The following PBX1 variants were observed in gnomAD, a reference collection of about 807,000 sequenced individuals.
PBX1 encodes the protein pre-B-cell leukemia transcription factor 1.
A neutral mutation model predicts 53.4 loss-of-function variants in PBX1; 6 were observed. The observed-to-expected ratio is 0.11, with a 90% confidence interval of 0.06 to 0.22. The LOEUF (loss-of-function observed/expected upper bound fraction) is 0.22. PBX1 is among the 10% of genes least tolerant of loss of function. PBX1 has a pLI of 1.00. For missense variants in PBX1, 251 were observed against 551.4 expected (o/e 0.46, Z 5.46); for synonymous variants, 204 against 212.3 (o/e 0.96, Z 0.34).
chr1:164,674,847 G>GCCCCCCCCCCCCCCCCC (rs78130048), intron 2 of PBX1: 1 of 40,712 alleles, frequency 2.5e-5, no homozygotes, highest in Non-Finnish European at 6.2e-5. Context: ...AGAAATCACA[G>GCCCCCCCCCCCCCCCCC]CCCCCCCCCC....
chr1:164,781,195 T>C (rs1667916593), intron 2 of PBX1, among the ~76,000 whole-genome samples: 1 of 152,086 alleles, frequency 6.6e-6, no homozygotes, highest in South Asian at 2.1e-4. Flanking sequence ...TTTGTGGTCA[T>C]GGAAAAAGAA....
At position 164,879,364 on chromosome 1, in the gene PBX1, A is replaced by T. The variant is rs148747076; in HGVS notation, n.258-19824A>T. 8.1e-3 allele frequency among the ~76,000 whole-genome samples: 1,232 copies of T among 152,322 alleles called. 12 individuals carry two copies. The highest frequency in any genetic ancestry group is 0.037 in the South Asian group (178 of 4,816). Reference sequence around the variant, plus strand: ...GATTTGAAAGATATTTAGAAGGCAAAATCAGTGGACTCAGTGGCTACCTGC... The same window carrying T: ...GATTTGAAAGATATTTAGAAGGCAATATCAGTGGACTCAGTGGCTACCTGC... On this transcript the variant is annotated intron_variant and non_coding_transcript_variant, in intron 2 of 2. Coordinates refer to the PBX1 transcript ENST00000558796.
intron 2 of PBX1, among the ~76,000 whole-genome samples, chr1:164,759,860 C>G (rs1666718472): frequency 6.6e-6 from 1 of 152,128 alleles, no homozygotes. Flanking sequence ...CTCCTGACTC[C>G]TTAGGAGGTT....
In PBX1 at chr1:164,673,644, T is replaced by G. The variant is rs1305960599; in HGVS notation, c.265+110333T>G. Among the ~76,000 whole-genome samples the G allele has an allele frequency of 2.0e-5, 3 of 152,124 alleles. No individual in the cohort carries two copies. The East Asian group carries it at 5.8e-4, about 29-fold the overall frequency. ...AGCCACCGCGCCTGGCGAAAGTTAC[T>G]AACATTTTTAAGTTGCCCTAAGAAA... On this transcript the variant is annotated intron_variant, in intron 2 of 8. Transcript: ENST00000420696.
intron 1 of PBX1, chr1:164,562,741 T>G (rs1020243657): frequency 6.6e-6 from 1 of 152,276 alleles, no homozygotes; most frequent in African/African-American, 2.4e-5. Flanking sequence ...TCAGAAGACC[T>G]TTCAAGCATC....
chr1:164,677,100 TTTTA>T (rs1375277528), intron 2 of PBX1, among the ~76,000 whole-genome samples: 36 of 48,424 alleles, frequency 7.4e-4, no homozygotes, highest in Middle Eastern at 7.6e-3. Context: ...TTTTTTTTTT[TTTTA>T]AGACGGAGTC....
chr1:164,750,457 CTCAA>C (rs1666141575), intron 2 of PBX1, among the ~76,000 whole-genome samples: 3 of 149,796 alleles, frequency 2.0e-5, no homozygotes, highest in Admixed American at 1.3e-4. Context: ...AAAATAAATT[CTCAA>C]TCAGAGCTTA....
intron 2 of PBX1, among the ~76,000 whole-genome samples, chr1:164,611,530 G>T (rs1337125710): frequency 6.6e-6 from 1 of 152,134 alleles, no homozygotes; most frequent in Non-Finnish European, 1.5e-5. Context: ...GAGCCACCGC[G>T]CCCGGCCTTC....
intron 2 of PBX1, among the ~76,000 whole-genome samples, chr1:164,778,930 A>C (rs2102269377): frequency 6.6e-6 from 1 of 152,278 alleles, no homozygotes; most frequent in Admixed American, 6.5e-5. Context: ...TGCAGAACTA[A>C]GTATGTGCCC....
intron 2 of PBX1, among the ~76,000 whole-genome samples, chr1:164,781,726 G>A (rs1667945530): frequency 6.6e-6 from 1 of 152,060 alleles, no homozygotes; most frequent in African/African-American, 2.4e-5. Flanking sequence ...GCCTTCTTTT[G>A]CCTCTGCTGA....
chr1:164,863,974 T>C (rs1350934718), intron 2 of PBX1, among the ~76,000 whole-genome samples: 1 of 152,228 alleles, frequency 6.6e-6, no homozygotes, highest in Non-Finnish European at 1.5e-5. Context: ...CTGAGTAGCA[T>C]CTTTGTGTTT....
Position 164,799,031 on chromosome 1 carries a change from T to C in PBX1, c.511-668T>C, listed in dbSNP as rs184441788. On this transcript the variant is annotated intron_variant, in intron 3 of 8. Transcript: ENST00000420696. Reference sequence around the variant, plus strand: ...AATAATGAGCAAGGCAGAAAGCACATGATACATTTGACCCCAAACTCTCTT... The same window carrying C: ...AATAATGAGCAAGGCAGAAAGCACACGATACATTTGACCCCAAACTCTCTT... 6.7e-4 allele frequency among the ~76,000 whole-genome samples: 102 copies of C among 152,308 alleles called. 1 individual carries two copies. The highest frequency in any genetic ancestry group is 3.4e-3 in the Middle Eastern group (1 of 294).
intron 2 of PBX1, among the ~76,000 whole-genome samples, chr1:164,882,219 C>T (rs1672676815): frequency 6.6e-6 from 1 of 152,060 alleles, no homozygotes; most frequent in Admixed American, 6.6e-5. Flanking sequence ...GAGCCTAGGC[C>T]TCTAACTCTA....
intron 2 of PBX1, among the ~76,000 whole-genome samples, chr1:164,624,560 G>T (rs1349738205): frequency 6.6e-6 from 1 of 152,188 alleles, no homozygotes; most frequent in Non-Finnish European, 1.5e-5. Context: ...TGTTAAAAAG[G>T]TTTAGTAAAT....
At chr1:164,622,560 C>A (rs900458356) in intron 2 of PBX1, among the ~76,000 whole-genome samples, 4 of 152,196 alleles carry the variant, frequency 2.6e-5, no homozygotes, top group Non-Finnish European at 4.4e-5. Context: ...ACTTGATGTG[C>A]ACATGCTGTT....
chr1:164,743,072 A>C (rs1169425271), intron 2 of PBX1, among the ~76,000 whole-genome samples: 1 of 152,212 alleles, frequency 6.6e-6, no homozygotes, highest in Admixed American at 6.5e-5. Flanking sequence ...GGCCAGAAAC[A>C]GTGATGGGGC....
Position 164,811,985 on chromosome 1 carries a change from T to G in PBX1, c.838-5T>G, listed in dbSNP as rs1377583422. The G allele has an allele frequency of 2.5e-6, 4 of 1,612,154 alleles. No individual in the cohort carries two copies. In the Admixed American group the frequency reaches 6.7e-5, roughly 27 times the overall value. ...ACTTTCTCATCTTCTCTTAAACTAC[T>G]CTAGGTATCAAACTGGTTTGGAAAT... On this transcript the variant is annotated splice_region_variant and splice_polypyrimidine_tract_variant and intron_variant, in intron 5 of 8. Coordinates refer to ENST00000420696, the MANE Select transcript of PBX1 (RefSeq NM_002585.4).
chr1:164,859,295 C>T (rs1344695433), intron 2 of PBX1, among the ~76,000 whole-genome samples: 1 of 152,140 alleles, frequency 6.6e-6, no homozygotes, highest in Non-Finnish European at 1.5e-5. Context: ...AGAACAGTGG[C>T]CCCTGGAGAG....
intron 2 of PBX1, among the ~76,000 whole-genome samples, chr1:164,874,935 CA>C (rs1372712348): frequency 2.6e-5 from 4 of 152,144 alleles, no homozygotes; most frequent in African/African-American, 9.7e-5. Context: ...GCTTTTTCCT[CA>C]AAACCTTCCT....
Sources: gnomAD v4.1 joint callset for allele counts (sites outside exome capture counted in the v4.1 genomes callset) on GRCh38, gnomAD v4.1.1 for gene constraint, MANE v1.5 for transcripts, NCBI Gene and HGNC (gene_info 2026-07-23, HGNC 2026-07-21) for gene names.